Variants in CADM2 observed in about 807,000 individuals in gnomAD.
CADM2 encodes immunoglobulin superfamily member 4D.
Under a neutral mutation model 49.8 loss-of-function variants are expected in CADM2, and 12 were observed. The observed-to-expected ratio is 0.24, with a 90% confidence interval of 0.15 to 0.39. CADM2 has a LOEUF of 0.39. Among genes scored for constraint, CADM2 ranks in the 10% least tolerant of loss-of-function variants. The pLI, the probability that CADM2 is intolerant of heterozygous loss-of-function variation, is 1.00. For missense variants in CADM2, 378 were observed against 492.3 expected (o/e 0.77, Z 2.20); for synonymous variants, 214 against 175.4 (o/e 1.22, Z -1.74).
chr3:85,032,896 T>C (rs1377812543), intron 1 of CADM2, among the ~76,000 whole-genome samples: 2 of 152,206 alleles, frequency 1.3e-5, no homozygotes, highest in Admixed American at 1.3e-4. Flanking sequence ...TCATGGCAAT[T>C]GTGAGAAAAT....
At chr3:85,558,932 A>G (rs1576801081) in intron 1 of CADM2, among the ~76,000 whole-genome samples, 1 of 152,100 alleles carries the variant, frequency 6.6e-6, no homozygotes, top group Non-Finnish European at 1.5e-5. Context: ...TTTTCTTCAA[A>G]CAGACAGCAA....
intron 8 of CADM2, among the ~76,000 whole-genome samples, chr3:86,061,555 G>A (rs533089089): frequency 2.6e-4 from 40 of 152,222 alleles, no homozygotes; most frequent in African/African-American, 9.6e-4. Flanking sequence ...AAAAGGGTTA[G>A]ATGACAATAA....
intron 3 of CADM2, among the ~76,000 whole-genome samples, chr3:85,870,665 T>A (rs1040102778): frequency 1.3e-5 from 2 of 152,194 alleles, no homozygotes; most frequent in African/African-American, 4.8e-5. Flanking sequence ...GACATTTAGG[T>A]TAATTCCATG....
At chr3:85,456,188 G>T (rs898207152) in intron 1 of CADM2, among the ~76,000 whole-genome samples, 1 of 152,112 alleles carries the variant, frequency 6.6e-6, no homozygotes, top group Non-Finnish European at 1.5e-5. Flanking sequence ...GAGTTGTCTG[G>T]TATCAGCAGA....
intron 1 of CADM2, among the ~76,000 whole-genome samples, chr3:85,148,250 A>G (rs1214415798): frequency 6.6e-6 from 1 of 152,218 alleles, no homozygotes; most frequent in Non-Finnish European, 1.5e-5. Flanking sequence ...ACTCAATAGC[A>G]GAGCTTCCTA....
chr3:85,250,037 T>A (rs1319536797), intron 1 of CADM2, among the ~76,000 whole-genome samples: 1 of 151,894 alleles, frequency 6.6e-6, no homozygotes, highest in Non-Finnish European at 1.5e-5. Flanking sequence ...CAGTATTTTG[T>A]TAATAGTGTA....
At chr3:84,984,037 A>G (rs1025755861) in intron 1 of CADM2, among the ~76,000 whole-genome samples, 2 of 98,530 alleles carry the variant, frequency 2.0e-5, no homozygotes, top group Non-Finnish European at 4.5e-5. Context: ...ATTGTGATAT[A>G]TATATATATA....
chr3:85,208,494 G>T (rs929387218), intron 1 of CADM2, among the ~76,000 whole-genome samples: 1 of 152,110 alleles, frequency 6.6e-6, no homozygotes, highest in African/African-American at 2.4e-5. Context: ...AAATGCATTT[G>T]CAGGGGGTGA....
intron 1 of CADM2, among the ~76,000 whole-genome samples, chr3:85,472,832 G>C (rs1164326876): frequency 6.6e-6 from 1 of 151,926 alleles, no homozygotes; most frequent in African/African-American, 2.4e-5. Flanking sequence ...AAGACATTAA[G>C]TAATTGACAA....
intron 1 of CADM2, among the ~76,000 whole-genome samples, chr3:85,064,734 T>G (rs540230955): frequency 6.6e-6 from 1 of 152,268 alleles, no homozygotes; most frequent in East Asian, 1.9e-4. Context: ...TTGCTCAGGC[T>G]AGATCATATT....
intron 3 of CADM2, among the ~76,000 whole-genome samples, chr3:85,830,693 A>G (rs897770722): frequency 6.6e-6 from 1 of 151,822 alleles, no homozygotes; most frequent in African/African-American, 2.4e-5. Flanking sequence ...TTACTTTTGT[A>G]TATGGTATAA....
At chr3:85,300,460 G>C (rs925637775) in intron 1 of CADM2, among the ~76,000 whole-genome samples, 16 of 151,994 alleles carry the variant, frequency 1.1e-4, no homozygotes, top group African/African-American at 3.1e-4. Context: ...CTTCTTAGCA[G>C]TTGCTATTTA....
In CADM2 at chr3:86,066,839, CT is replaced by C; in HGVS notation, c.*57del. The stretch of plus-strand genomic sequence containing the variant: ...CAGGCTGAATGCTGGAGAAAACTGG[CT>C]ATCATCTTTCAGAAGTCATTTCTAC... On this transcript the variant is annotated 3_prime_UTR_variant, in exon 10 of 10. Coordinates refer to ENST00000383699, the MANE Select transcript of CADM2 (RefSeq NM_001167675.2). 1 of 1,204,742 alleles carries C rather than the reference CT, an allele frequency of 8.3e-7. No homozygotes were observed. The highest frequency in any genetic ancestry group is 1.2e-5 in the South Asian group (1 of 82,470). 74.6% of individuals were successfully genotyped at this position (1,204,742 alleles called of 1,614,324 possible). A position where few individuals can be genotyped will look rare whatever the true frequency, so the allele number is the denominator to read the frequency against.
intron 1 of CADM2, among the ~76,000 whole-genome samples, chr3:85,338,077 T>C (rs920470829): frequency 6.6e-6 from 1 of 151,688 alleles, no homozygotes; most frequent in Non-Finnish European, 1.5e-5. Flanking sequence ...AACAGATGCC[T>C]GTTTACTCTA....
intron 1 of CADM2, among the ~76,000 whole-genome samples, chr3:85,722,765 G>A (rs571314471): frequency 7.9e-5 from 12 of 152,170 alleles, no homozygotes; most frequent in African/African-American, 2.2e-4. Flanking sequence ...GTCTTGAGAC[G>A]GGTGAAATTT....
At chr3:85,897,362 C>T (rs1195890680) in intron 5 of CADM2, among the ~76,000 whole-genome samples, 4 of 143,840 alleles carry the variant, frequency 2.8e-5, no homozygotes, top group East Asian at 2.1e-4. Flanking sequence ...CTCCGCTTCC[C>T]GGGTTCACGC....
At chr3:84,982,642 A>G (rs2032250384) in intron 1 of CADM2, among the ~76,000 whole-genome samples, 2 of 148,374 alleles carry the variant, frequency 1.3e-5, no homozygotes, top group Admixed American at 1.3e-4. Context: ...AAAGTATATC[A>G]AGTACTAAAA....
chr3:85,110,940 A>T (rs1048532294), intron 1 of CADM2, among the ~76,000 whole-genome samples: 20 of 152,008 alleles, frequency 1.3e-4, no homozygotes, highest in East Asian at 5.8e-4. Context: ...ATTGATAACT[A>T]TCTAAAATAG....
intron 3 of CADM2, among the ~76,000 whole-genome samples, chr3:85,858,274 G>C (rs140403874): frequency 4.4e-4 from 67 of 152,264 alleles, no homozygotes; most frequent in Middle Eastern, 6.8e-3. Flanking sequence ...AAGATAGATT[G>C]TTCATTAACC....
Sources: allele counts gnomAD v4.1 joint callset (sites outside exome capture counted in the v4.1 genomes callset), GRCh38; gene constraint gnomAD v4.1.1; transcripts MANE v1.5; gene names NCBI Gene and HGNC (gene_info 2026-07-23, HGNC 2026-07-21).